Variants in SLC25A21 observed in about 807,000 individuals in gnomAD.
The protein encoded by SLC25A21 is solute carrier family 25 member 21.
SLC25A21 carries 47 observed loss-of-function variants against 43.8 expected under a neutral mutation model. The ratio of observed to expected loss-of-function variants is 1.07; its 90% CI spans 0.85 to 1.37. The LOEUF is 1.37. SLC25A21 is among the 40% of genes most tolerant of loss of function. SLC25A21 has a pLI of 0.00. For missense variants in SLC25A21, 352 were observed against 350.2 expected (o/e 1.00, Z -0.04); for synonymous variants, 131 against 121.3 (o/e 1.08, Z -0.52).
intron 7 of SLC25A21, among the ~76,000 whole-genome samples, chr14:36,704,820 C>G (rs112311531): frequency 1.3e-4 from 20 of 152,280 alleles, no homozygotes; most frequent in African/African-American, 4.3e-4. Context: ...TAACTCATCT[C>G]TGGGCCGTAA....
intron 3 of SLC25A21, among the ~76,000 whole-genome samples, chr14:36,749,690 C>T (rs1391960879): frequency 6.6e-6 from 1 of 152,164 alleles, no homozygotes; most frequent in African/African-American, 2.4e-5. Flanking sequence ...TTCCCTGGCC[C>T]AGGTACACCA....
At chr14:37,167,740 G>A (rs1458783106) in intron 1 of SLC25A21, among the ~76,000 whole-genome samples, 1 of 152,100 alleles carries the variant, frequency 6.6e-6, no homozygotes, top group South Asian at 2.1e-4. Context: ...TGCAGACCCT[G>A]CGTTTGATGG....
intron 1 of SLC25A21, among the ~76,000 whole-genome samples, chr14:37,123,844 T>TCTCCATAACTC (rs1963252612): frequency 6.6e-6 from 1 of 152,076 alleles, no homozygotes; most frequent in South Asian, 2.1e-4. Context: ...GGTGACATAG[T>TCTCCATAACTC]GAGAACTCGT....
chr14:37,112,617 C>G (rs190920107), intron 1 of SLC25A21, among the ~76,000 whole-genome samples: 2 of 152,252 alleles, frequency 1.3e-5, no homozygotes, highest in East Asian at 3.9e-4. Flanking sequence ...AAGTTCCAGC[C>G]AATGACATAT....
intron 1 of SLC25A21, among the ~76,000 whole-genome samples, chr14:37,122,842 A>G (rs766250095): frequency 6.6e-6 from 1 of 152,206 alleles, no homozygotes; most frequent in Non-Finnish European, 1.5e-5. Flanking sequence ...AATACTAAAA[A>G]TTAAAGTATC....
intron 1 of SLC25A21, among the ~76,000 whole-genome samples, chr14:36,936,787 C>A (rs147803027): frequency 6.6e-6 from 1 of 152,114 alleles, no homozygotes; most frequent in African/African-American, 2.4e-5. Flanking sequence ...AGAAGAAAAT[C>A]ATGCAGTCTC....
intron 1 of SLC25A21, among the ~76,000 whole-genome samples, chr14:37,103,199 A>G (rs1962849337): frequency 6.6e-6 from 1 of 152,190 alleles, no homozygotes; most frequent in Non-Finnish European, 1.5e-5. Flanking sequence ...CTTCACTGAC[A>G]GTAACAAGAA....
At chr14:36,932,637 A>G (rs1488141793) in intron 1 of SLC25A21, among the ~76,000 whole-genome samples, 1 of 152,142 alleles carries the variant, frequency 6.6e-6, no homozygotes, top group Non-Finnish European at 1.5e-5. Flanking sequence ...CATCTCATAA[A>G]GTAATATTTA....
At chr14:36,763,306 CTCTTT>C (rs2139282487) in intron 3 of SLC25A21, among the ~76,000 whole-genome samples, 1 of 152,314 alleles carries the variant, frequency 6.6e-6, no homozygotes, top group Non-Finnish European at 1.5e-5. Context: ...TTAAATCATT[CTCTTT>C]TATTTGTGTA....
intron 1 of SLC25A21, among the ~76,000 whole-genome samples, chr14:37,113,578 G>A (rs956542695): frequency 2.6e-5 from 4 of 152,068 alleles, no homozygotes; most frequent in African/African-American, 4.8e-5. Flanking sequence ...GTTAGACCGG[G>A]AGTGTTGGCT....
At chr14:36,915,484 C>T (rs1891804994) in intron 1 of SLC25A21, among the ~76,000 whole-genome samples, 1 of 152,050 alleles carries the variant, frequency 6.6e-6, no homozygotes, top group African/African-American at 2.4e-5. Flanking sequence ...AACATTTCGC[C>T]ATGGAACCAG....
chr14:36,719,277 G>A (rs1400154623), intron 6 of SLC25A21, among the ~76,000 whole-genome samples: 2 of 152,194 alleles, frequency 1.3e-5, no homozygotes, highest in Non-Finnish European at 1.5e-5. Context: ...CCCAGTTTGG[G>A]GAGGTCCTGT....
intron 3 of SLC25A21, among the ~76,000 whole-genome samples, chr14:36,802,075 A>T (rs1383439163): frequency 6.6e-6 from 1 of 152,156 alleles, no homozygotes; most frequent in East Asian, 1.9e-4. Flanking sequence ...TATTCCTGAG[A>T]TTGTTATAAA....
At chr14:36,973,615 C>G (rs1959804157) in intron 1 of SLC25A21, among the ~76,000 whole-genome samples, 1 of 152,178 alleles carries the variant, frequency 6.6e-6, no homozygotes, top group Non-Finnish European at 1.5e-5. Context: ...AGCCAATCTC[C>G]TAGAGTTGAA....
intron 2 of SLC25A21, among the ~76,000 whole-genome samples, chr14:36,867,790 CGTGT>C (rs10606711): frequency 0.031 from 4,488 of 145,028 alleles, 105 homozygotes; most frequent in African/African-American, 0.055. Context: ...ACCATGCTTT[CGTGT>C]GTGTGTGTGT....
At chr14:37,165,198 G>A (rs577258354) in intron 1 of SLC25A21, among the ~76,000 whole-genome samples, 4 of 152,128 alleles carry the variant, frequency 2.6e-5, no homozygotes, top group Admixed American at 6.5e-5. Context: ...CCAACATGGC[G>A]AAACCTCATC....
intron 1 of SLC25A21, among the ~76,000 whole-genome samples, chr14:36,954,139 C>T (rs1314910092): frequency 6.6e-6 from 1 of 152,158 alleles, no homozygotes; most frequent in East Asian, 1.9e-4. Flanking sequence ...TTATCATAGT[C>T]ACTCAGCTGA....
At chr14:37,021,267 T>G (rs573937786) in intron 1 of SLC25A21, among the ~76,000 whole-genome samples, 1 of 151,704 alleles carries the variant, frequency 6.6e-6, no homozygotes, top group South Asian at 2.1e-4. Context: ...CCAGAGGGAG[T>G]GGGGAGTGGG....
chr14:36,879,127 T>C (rs189811738), intron 1 of SLC25A21, among the ~76,000 whole-genome samples: 12 of 152,330 alleles, frequency 7.9e-5, no homozygotes, highest in Admixed American at 5.2e-4. Flanking sequence ...TGTCTTCAAG[T>C]CATGCTTAAT....
Sources: gnomAD v4.1 joint callset for allele counts (sites outside exome capture counted in the v4.1 genomes callset) on GRCh38, gnomAD v4.1.1 for gene constraint, MANE v1.5 for transcripts, NCBI Gene and HGNC (gene_info 2026-07-23, HGNC 2026-07-21) for gene names.